Variants in FBXW9 observed in about 807,000 individuals in gnomAD.
FBXW9 encodes F-box and WD repeat domain containing 9.
In FBXW9, 38 loss-of-function variants were observed where a neutral mutation model predicts 55.8. That is an observed-to-expected ratio of 0.68 (90% CI 0.53 to 0.89). FBXW9 has a LOEUF of 0.89. FBXW9 is among the 40% of genes least tolerant of loss of function. The pLI is 0.00. For synonymous variants in FBXW9, 289 were observed against 278.2 expected (o/e 1.04, Z -0.38); for missense variants, 590 against 619.4 (o/e 0.95, Z 0.50).
Position 12,696,363 on chromosome 19 carries a change from G to C in FBXW9, c.219C>G (p.Ala73=). The change falls in exon 1 of 10, where the codon GCC becomes GCG. Residue 73 remains alanine (A), a synonymous_variant. Transcript: ENST00000393261. ...SEPRAASRVS[A]VSEPGLLSLP... ...GGCTCAGAAGGCCCGGCTCACTTAC[G>C]GCCGAAACCCTGGACGCGGCCCGAG... is the stretch of plus-strand genomic sequence containing the variant. 1 of 1,607,874 alleles carries C rather than the reference G, an allele frequency of 6.2e-7. No individual in the cohort carries two copies. The highest frequency in any genetic ancestry group is 1.7e-4 in the Middle Eastern group (1 of 6,050).
intron 3 of FBXW9, among the ~76,000 whole-genome samples, chr19:12,692,035 C>A (rs2025015446): frequency 6.6e-6 from 1 of 151,580 alleles, no homozygotes; most frequent in African/African-American, 2.4e-5. Context: ...GGATTACAGG[C>A]ATGTGCCACT....
Position 12,689,018 on chromosome 19 carries a change from C to T in FBXW9, c.*198G>A, listed in dbSNP as rs1294421970. On this transcript the variant is annotated 3_prime_UTR_variant, in exon 10 of 10. Coordinates refer to ENST00000393261, the MANE Select transcript of FBXW9 (RefSeq NM_032301.3). This position sits in a 1 kb window ranked among gnomAD's most constrained non-coding sequence, Gnocchi z 5.9. ...GGGCCCAAGAGTGGGAAGCGGCCCC[C>T]TGGGTGGGCCTGAACCCCAATTTCA... 2 of 701,906 alleles carry T rather than the reference C, an allele frequency of 2.8e-6. No individual in the cohort carries two copies. The highest frequency in any genetic ancestry group is 2.0e-5 in the Admixed American group (1 of 49,930). The allele number at this position is 701,906 out of a possible 1,614,324, so 43.5% of individuals were successfully genotyped here. A position where few individuals can be genotyped will look rare whatever the true frequency, so the allele number is the denominator to read the frequency against.
At chr19:12,696,084 C>T (rs1349272631) in intron 1 of FBXW9, 89 bp downstream of exon 1, 4 of 1,289,718 alleles carry the variant, frequency 3.1e-6, no homozygotes, top group Non-Finnish European at 3.1e-6. Context: ...AGGCTGCATC[C>T]GGAACACCCC....
intron 3 of FBXW9, among the ~76,000 whole-genome samples, chr19:12,693,582 AC>A (rs1568326328): frequency 0.011 from 1,199 of 113,412 alleles, 238 homozygotes; most frequent in African/African-American, 0.062. Flanking sequence ...ACACACACAC[AC>A]ACACACACAC....
chr19:12,694,892 GT>G lies in FBXW9; in HGVS notation c.455del (p.His152ProfsTer62), dbSNP rs747129335. On this transcript the variant is annotated frameshift_variant, in exon 2 of 10. Transcript: ENST00000393261. LOFTEE classifies it high-confidence loss of function. ...GCCCATCCTCTGCCCAGCGGGACAG[GT>G]GCTGCTCCAGCGCAATGCAGGCTGC... ...WPAACIALEQ[H>X]LSRWAEDGRW... 1.5e-5 allele frequency: 25 copies of G among 1,613,936 alleles called. No homozygotes were observed. Among genetic ancestry groups the G allele is most frequent in the Admixed American group, 3.3e-5 (2 of 60,004 alleles).
rs760187708 is a variant in FBXW9, at chr19:12,689,856, A to G, written c.1051T>C (p.Cys351Arg). 5.6e-6 allele frequency: 9 copies of G among 1,613,960 alleles called. No homozygotes were observed. The African/African-American group carries it at 1.2e-4, about 22-fold the overall frequency. ...QRLQLDSYLL[C>R]MSYQEPQLWA... is the part of the protein sequence containing the mutation. The stretch of plus-strand genomic sequence containing the variant: ...AGCTGGGGTTCCTGGTAGGACATGC[A>G]GAGCAGGTAGGAGTCCAGCTACGAG... The change falls in exon 7 of 10, where the codon TGC becomes CGC. Residue 351 changes from cysteine to arginine, a missense_variant. By Grantham distance (180) the Cys-to-Arg change is radical (BLOSUM62 -3). Coordinates refer to ENST00000393261, the MANE Select transcript of FBXW9 (RefSeq NM_032301.3). The surrounding 1 kb of genome is among the most constrained non-coding windows in gnomAD (Gnocchi z 5.9).
At chr19:12,692,696 G>C (rs115331883) in intron 3 of FBXW9, among the ~76,000 whole-genome samples, 2 of 151,180 alleles carry the variant, frequency 1.3e-5, no homozygotes, top group Non-Finnish European at 3.0e-5. Context: ...CTAATTATTT[G>C]GTATTTTTTG....
At chr19:12,693,532 ATAT>A (rs1568326215) in intron 3 of FBXW9, among the ~76,000 whole-genome samples, 26 of 10,646 alleles carry the variant, frequency 2.4e-3, no homozygotes, top group South Asian at 9.1e-3. Context: ...AAAAAAAAAT[ATAT>A]ATATATATAT....
intron 3 of FBXW9, 75 bp from the exon 4 acceptor site, chr19:12,691,529 C>G (rs2025008781): frequency 3.8e-6 from 5 of 1,301,124 alleles, no homozygotes; most frequent in Non-Finnish European, 5.4e-6. Flanking sequence ...TCTGTTTTTG[C>G]AGGTAAGGCT....
chr19:12,694,942 T>C lies in FBXW9; in HGVS notation c.410-4A>G, dbSNP rs779570781. Reference sequence around the variant, plus strand: ...GCCGGCCAGTCAAAGTTCTTCTCTGTGGGTTACCACGAGTAGGGTGCCCAG... The same window carrying C: ...GCCGGCCAGTCAAAGTTCTTCTCTGCGGGTTACCACGAGTAGGGTGCCCAG... On this transcript the variant is annotated splice_region_variant and splice_polypyrimidine_tract_variant and intron_variant, in intron 1 of 9. Coordinates refer to ENST00000393261, the MANE Select transcript of FBXW9 (RefSeq NM_032301.3). 9 of 1,612,216 alleles carry C rather than the reference T, an allele frequency of 5.6e-6. No homozygotes were observed. Among genetic ancestry groups the C allele is most frequent in the Non-Finnish European group, 7.6e-6 (9 of 1,179,822 alleles).
chr19:12,694,337 C>CAAA (rs1314324715), intron 3 of FBXW9, among the ~76,000 whole-genome samples: 6 of 60,568 alleles, frequency 9.9e-5, no homozygotes, highest in African/African-American at 2.3e-4. Flanking sequence ...GACTCCGTCT[C>CAAA]AAAAAAAAAA....
Position 12,696,179 on chromosome 19 carries a change from C to G in FBXW9, c.403G>C (p.Val135Leu). ...LRRVRAPYPV[V>L]EEKNFDWPAA... ...GGCCCCCGGCCCCGCGCACCTTCCA[C>G]CACTGGGTAGGGCGCGCGTACGCGG... The change falls in exon 1 of 10, where the codon GTG becomes CTG. Residue 135 changes from valine to leucine, a missense_variant. Val to Leu is a conservative substitution (Grantham distance 32). Transcript: ENST00000393261. 6.5e-7 allele frequency: 1 copy of G among 1,538,392 alleles called. No individual in the cohort carries two copies. Among genetic ancestry groups the G allele is most frequent in the East Asian group, 2.5e-5 (1 of 40,744 alleles).
rs1169069518 is a variant in FBXW9 at position 12,693,561 on chromosome 19, T to TACACACAC, written c.678+1025_678+1032dup. On this transcript the variant is annotated intron_variant, in intron 3 of 9. Coordinates refer to ENST00000393261, the MANE Select transcript of FBXW9 (RefSeq NM_032301.3). ...ATATATATATATATATATATATATA[T>TACACACAC]ACACACACACACACACACACACACA... is the stretch of plus-strand genomic sequence containing the variant. 3.6e-3 allele frequency among the ~76,000 whole-genome samples: 37 copies of TACACACAC among 10,252 alleles called. 1 individual carries two copies. Among genetic ancestry groups the TACACACAC allele is most frequent in the South Asian group, 8.5e-3 (2 of 234 alleles). The allele number at this position is 10,252 out of a possible 152,430, so 6.7% of individuals were successfully genotyped here. A position where few individuals can be genotyped will look rare whatever the true frequency, so the allele number is the denominator to read the frequency against.
intron 3 of FBXW9, among the ~76,000 whole-genome samples, chr19:12,691,957 T>C (rs1000819108): frequency 2.0e-5 from 3 of 152,066 alleles, no homozygotes; most frequent in African/African-American, 7.2e-5. Context: ...GGTTTCACCA[T>C]GTTGGCCACG....
intron 3 of FBXW9, among the ~76,000 whole-genome samples, chr19:12,693,517 AAAAAAAAAAAAAATATAT>A (rs1303779346): frequency 1.2e-4 from 4 of 32,124 alleles, no homozygotes; most frequent in African/African-American, 2.4e-4. Flanking sequence ...AAAAAAAAAA[AAAAAAAAAAAAAATATAT>A]ATATATATAT....
chr19:12,690,296 C>T, intron 5 of FBXW9, 186 bp from the exon 6 acceptor site: 1 of 935,342 alleles, frequency 1.1e-6, no homozygotes, highest in Admixed American at 2.1e-5. Flanking sequence ...ACAGGAGCCC[C>T]AGGCCTCTGC....
Position 12,694,930 on chromosome 19 carries a change from A to T in FBXW9, c.418T>A (p.Phe140Ile), listed in dbSNP as rs755629415. ...APYPVVEEKNFDWPAACIALE... is the reference protein window; with the variant it reads ...APYPVVEEKNIDWPAACIALE... ...GCAATGCAGGCTGCCGGCCAGTCAAAGTTCTTCTCTGTGGGTTACCACGAG... is the reference window on the plus strand; with the variant it reads ...GCAATGCAGGCTGCCGGCCAGTCAATGTTCTTCTCTGTGGGTTACCACGAG... The change falls in exon 2 of 10, where the codon TTT becomes ATT. Residue 140 changes from phenylalanine (F) to isoleucine (I), a missense_variant. Transcript: ENST00000393261. The T allele has an allele frequency of 5.0e-6, 8 of 1,613,174 alleles. No individual in the cohort carries two copies. The African/African-American group carries it at 1.1e-4, about 22-fold the overall frequency.
intron 3 of FBXW9, among the ~76,000 whole-genome samples, chr19:12,693,728 T>TA (rs2145408913): frequency 6.9e-6 from 1 of 144,848 alleles, no homozygotes; most frequent in South Asian, 2.2e-4. Context: ...TGAGATTCCA[T>TA]TAAAAAAAAA....
Position 12,689,212 on chromosome 19 carries a change from C to T in FBXW9, c.*4G>A, listed in dbSNP as rs773289997. Reference sequence around the variant, plus strand: ...AGGCAGTATCCACATCCACGCCCACCTGCTCAGGCCTGCAGCCTCCAGACC... The same window carrying T: ...AGGCAGTATCCACATCCACGCCCACTTGCTCAGGCCTGCAGCCTCCAGACC... On this transcript the variant is annotated 3_prime_UTR_variant, in exon 10 of 10. Coordinates refer to ENST00000393261, the MANE Select transcript of FBXW9 (RefSeq NM_032301.3). The surrounding 1 kb of genome is among the most constrained non-coding windows in gnomAD (Gnocchi z 5.9). The T allele has an allele frequency of 1.9e-6, 3 of 1,599,708 alleles. No homozygotes were observed. The South Asian group carries it at 3.3e-5, about 18-fold the overall frequency.
Sources: allele counts gnomAD v4.1 joint callset (sites outside exome capture counted in the v4.1 genomes callset), GRCh38; gene constraint gnomAD v4.1.1; non-coding constraint Gnocchi (gnomAD v3.1); transcripts MANE v1.5; gene names NCBI Gene and HGNC (gene_info 2026-07-23, HGNC 2026-07-21).